The following KLRG2 variants were observed in gnomAD, a reference collection of about 807,000 sequenced individuals.
KLRG2 encodes the protein killer cell lectin like receptor G2, also known as killer cell lectin-like receptor subfamily G member 2.
A neutral mutation model predicts 35.4 loss-of-function variants in KLRG2; 39 were observed. The ratio of observed to expected loss-of-function variants is 1.10; its 90% CI spans 0.85 to 1.44. The LOEUF is 1.44. Ranked by LOEUF, KLRG2 falls within the 40% of genes most tolerant of loss-of-function variation. KLRG2 has a pLI of 0.00. For synonymous variants in KLRG2, 283 were observed against 265.8 expected, an observed-to-expected ratio of 1.06 and a Z score of -0.63; for missense variants, 632 against 570.9, an observed-to-expected ratio of 1.11 and a Z score of -1.09.
At chr7:139,434,765 G>A in the KLRG2 span, among the ~76,000 whole-genome samples, 2 of 152,194 alleles carry the variant, frequency 1.3e-5, no homozygotes, top group Non-Finnish European at 2.9e-5. Flanking sequence ...TAGTGAGGCG[G>A]TGCGGCGCGG....
downstream of KLRG2, chr7:139,448,614 A>C (rs1418355850): frequency 1.3e-5 from 2 of 152,008 alleles, no homozygotes; most frequent in African/African-American, 4.8e-5. Flanking sequence ...GATTGCTTGA[A>C]CCTGGAAGGC....
At chr7:139,451,308 TG>T (rs1253244585), downstream of KLRG2, among the ~76,000 whole-genome samples, 1 of 152,184 alleles carries the variant, frequency 6.6e-6, no homozygotes, top group Non-Finnish European at 1.5e-5. Flanking sequence ...GAGACCAGCC[TG>T]GCCAACATAG....
At chr7:139,453,842 C>A in intron 4 of KLRG2, 135 bp from the exon 5 acceptor site, 1 of 1,045,982 alleles carries the variant, frequency 9.6e-7, no homozygotes. Context: ...ACTGGTCAGC[C>A]ACGTGGCACT....
rs181313044 is a variant in KLRG2 at position 139,472,609 on chromosome 7, C to A, written c.1005+7018G>T. Among the ~76,000 whole-genome samples the A allele has an allele frequency of 1.4e-4, 21 of 150,962 alleles. No homozygotes were observed. The East Asian group carries it at 3.9e-3, about 28-fold the overall frequency. On this transcript the variant is annotated intron_variant, in intron 3 of 4. Transcript: ENST00000340940. ...AAAAAAAAAAAAGAATGGGAAGAGACAACATCAGATGAGAAACATCAACAT... is the reference window on the plus strand; with the variant it reads ...AAAAAAAAAAAAGAATGGGAAGAGAAAACATCAGATGAGAAACATCAACAT...
At chr7:139,440,561 T>A in the KLRG2 span, among the ~76,000 whole-genome samples, 1 of 151,972 alleles carries the variant, frequency 6.6e-6, no homozygotes, top group Non-Finnish European at 1.5e-5. Flanking sequence ...CCGACTTAAT[T>A]TGTGTGTTTT....
At chr7:139,464,961 A>C (rs1208126635) in intron 3 of KLRG2, among the ~76,000 whole-genome samples, 5 of 152,190 alleles carry the variant, frequency 3.3e-5, no homozygotes, top group African/African-American at 9.6e-5. Context: ...TACCATTGTT[A>C]CTGGCCCGGA....
At chr7:139,456,847 G>C (rs1449982225) in intron 3 of KLRG2, among the ~76,000 whole-genome samples, 1 of 152,106 alleles carries the variant, frequency 6.6e-6, no homozygotes, top group Non-Finnish European at 1.5e-5. Context: ...CCTGGTGCGG[G>C]CCAGGAGCTT....
the KLRG2 span, among the ~76,000 whole-genome samples, chr7:139,427,141 G>C: frequency 1.1e-4 from 16 of 152,182 alleles, no homozygotes; most frequent in African/African-American, 3.6e-4. Context: ...GTTAGGAAAG[G>C]TTAGAGAGCT....
chr7:139,471,414 C>T (rs895774361), intron 3 of KLRG2, among the ~76,000 whole-genome samples: 3 of 152,092 alleles, frequency 2.0e-5, no homozygotes, highest in Admixed American at 2.0e-4. Context: ...GTAATCCTAG[C>T]ACTTTGGGAG....
chr7:139,453,992 G>A, intron 4 of KLRG2, 119 bp downstream of exon 4: 1 of 730,468 alleles, frequency 1.4e-6, no homozygotes, highest in Non-Finnish European at 2.4e-6. Context: ...CCGCGAGCAT[G>A]GGCGTGGGCT....
the KLRG2 span, among the ~76,000 whole-genome samples, chr7:139,435,000 A>G: frequency 1.3e-5 from 2 of 152,210 alleles, no homozygotes; most frequent in African/African-American, 4.8e-5. Context: ...GCTGAGGCTT[A>G]AAAAAGTCAA....
chr7:139,467,537 C>T (rs1356267500), intron 3 of KLRG2, among the ~76,000 whole-genome samples: 1 of 152,026 alleles, frequency 6.6e-6, no homozygotes, highest in Non-Finnish European at 1.5e-5. Flanking sequence ...TGACCTTACC[C>T]CCAACGCCGT....
At chr7:139,464,264 C>A (rs898995383) in intron 3 of KLRG2, among the ~76,000 whole-genome samples, 1 of 152,156 alleles carries the variant, frequency 6.6e-6, no homozygotes, top group Non-Finnish European at 1.5e-5. Context: ...ACCCATACCC[C>A]GCTAAACGCC....
At chr7:139,462,693 A>G (rs1796588133) in intron 3 of KLRG2, among the ~76,000 whole-genome samples, 1 of 152,110 alleles carries the variant, frequency 6.6e-6, no homozygotes, top group South Asian at 2.1e-4. Flanking sequence ...TCTCCATCCT[A>G]CAAGGTCTAG....
At chr7:139,449,693 CTTTTTTT>C (rs547906496), downstream of KLRG2, among the ~76,000 whole-genome samples, 320 of 101,572 alleles carry the variant, frequency 3.2e-3, no homozygotes, top group African/African-American at 0.012. Flanking sequence ...TATCCTTATT[CTTTTTTT>C]TTTTTTTTTT....
At chr7:139,443,849 A>G in the KLRG2 span, among the ~76,000 whole-genome samples, 1 of 152,132 alleles carries the variant, frequency 6.6e-6, no homozygotes, top group Non-Finnish European at 1.5e-5. Context: ...TCGTACTATC[A>G]CTAGGTTAAG....
chr7:139,471,354 CAT>C (rs1229638887), intron 3 of KLRG2, among the ~76,000 whole-genome samples: 25 of 152,090 alleles, frequency 1.6e-4, no homozygotes, highest in Admixed American at 1.6e-3. Context: ...GAGATACTGA[CAT>C]GTGTGTTCAA....
chr7:139,457,518 C>T (rs979890683), intron 3 of KLRG2, among the ~76,000 whole-genome samples: 1 of 152,198 alleles, frequency 6.6e-6, no homozygotes, highest in African/African-American at 2.4e-5. Context: ...GCTTGAGATA[C>T]TAACATATAA....
chr7:139,444,472 G>A, the KLRG2 span, among the ~76,000 whole-genome samples: 1 of 152,134 alleles, frequency 6.6e-6, no homozygotes, highest in African/African-American at 2.4e-5. Context: ...GTGGGCCACC[G>A]TGCCCAGCTG....
Sources: allele counts gnomAD v4.1 joint callset (sites outside exome capture counted in the v4.1 genomes callset), GRCh38; gene constraint gnomAD v4.1.1; transcripts MANE v1.5; gene names NCBI Gene and HGNC (gene_info 2026-07-23, HGNC 2026-07-21).